Variants in B3GAT2 observed in about 807,000 individuals in gnomAD.
B3GAT2 encodes the protein beta-1,3-glucuronyltransferase 2.
A neutral mutation model predicts 27.8 loss-of-function variants in B3GAT2; 26 were observed. The observed-to-expected ratio is 0.93, with a 90% confidence interval of 0.68 to 1.30. The LOEUF (loss-of-function observed/expected upper bound fraction) is 1.30, where lower values mean the gene tolerates loss of function less well. Among genes scored for constraint, B3GAT2 ranks in the 50% most tolerant of loss-of-function variants. The pLI is 0.00. For synonymous variants in B3GAT2, 218 were observed against 195.1 expected, an observed-to-expected ratio of 1.12 and a Z score of -0.98; for missense variants, 458 against 459.0, an observed-to-expected ratio of 1.00 and a Z score of 0.02.
intron 1 of B3GAT2, among the ~76,000 whole-genome samples, chr6:70,933,401 TA>T (rs1773090831): frequency 6.6e-6 from 1 of 152,086 alleles, no homozygotes; most frequent in Non-Finnish European, 1.5e-5. Flanking sequence ...AAAATTAAAA[TA>T]AATTTTCATT....
intron 1 of B3GAT2, among the ~76,000 whole-genome samples, chr6:70,926,961 G>A (rs1772972368): frequency 6.6e-6 from 1 of 152,192 alleles, no homozygotes; most frequent in Non-Finnish European, 1.5e-5. Flanking sequence ...AAGCCCATCA[G>A]ACTAACAGCA....
At chr6:70,911,681 A>G (rs1772691096) in intron 1 of B3GAT2, among the ~76,000 whole-genome samples, 1 of 152,132 alleles carries the variant, frequency 6.6e-6, no homozygotes, top group Non-Finnish European at 1.5e-5. Flanking sequence ...ATTCTGTGAA[A>G]AATATCACTG....
chr6:70,951,039 T>G (rs1368667402), intron 1 of B3GAT2, among the ~76,000 whole-genome samples: 1 of 152,146 alleles, frequency 6.6e-6, no homozygotes, highest in Non-Finnish European at 1.5e-5. Context: ...TTATTTGTAT[T>G]TTGGTGGGAG....
intron 1 of B3GAT2, among the ~76,000 whole-genome samples, chr6:70,945,418 T>A (rs1334738502): frequency 2.0e-5 from 3 of 151,900 alleles, no homozygotes; most frequent in Non-Finnish European, 4.4e-5. Flanking sequence ...AAGAACTACA[T>A]GAAGAATGCA....
At chr6:70,927,016 G>C (rs907862725) in intron 1 of B3GAT2, among the ~76,000 whole-genome samples, 2 of 152,090 alleles carry the variant, frequency 1.3e-5, no homozygotes, top group African/African-American at 4.8e-5. Context: ...AGAGGGGGCC[G>C]ATATTCAACA....
chr6:70,934,653 T>A (rs1458722009), intron 1 of B3GAT2, among the ~76,000 whole-genome samples: 2 of 152,174 alleles, frequency 1.3e-5, no homozygotes, highest in Non-Finnish European at 2.9e-5. Context: ...CAGATCACCA[T>A]GTAATTTTTG....
At chr6:70,902,645 C>T (rs1009205876) in intron 1 of B3GAT2, among the ~76,000 whole-genome samples, 86 of 135,788 alleles carry the variant, frequency 6.3e-4, no homozygotes, top group African/African-American at 1.9e-3. Context: ...TATACACACA[C>T]ACACACACAC....
In B3GAT2 at chr6:70,858,509, A is replaced by C; in HGVS notation, c.*3154T>G. On this transcript the variant is annotated 3_prime_UTR_variant, in exon 4 of 4. Transcript: ENST00000230053. ...TGTAACTGTAACGTGAACACCACTA[A>C]TGGCCAGAAATTATCTCAGGCATCA... 4.1e-6 allele frequency: 1 copy of C among 246,574 alleles called. No individual in the cohort carries two copies. Among genetic ancestry groups the C allele is most frequent in the Non-Finnish European group, 7.7e-6 (1 of 129,068 alleles). The allele number at this position is 246,574 out of a possible 1,614,324, so 15.3% of individuals were successfully genotyped here. A position where few individuals can be genotyped will look rare whatever the true frequency, so the allele number is the denominator to read the frequency against.
chr6:70,897,595 C>T (rs546907724), intron 1 of B3GAT2, among the ~76,000 whole-genome samples: 1 of 149,578 alleles, frequency 6.7e-6, no homozygotes, highest in East Asian at 2.0e-4. Context: ...AAAAATTAGC[C>T]AGGTGTGGTG....
intron 1 of B3GAT2, among the ~76,000 whole-genome samples, chr6:70,948,790 A>C (rs948422831): frequency 2.6e-5 from 4 of 152,248 alleles, no homozygotes; most frequent in South Asian, 2.1e-4. Context: ...CCTAAGCCAA[A>C]AGAACAAAGC....
intron 1 of B3GAT2, among the ~76,000 whole-genome samples, chr6:70,906,962 A>G (rs187128928): frequency 7.2e-5 from 11 of 152,340 alleles, no homozygotes; most frequent in Non-Finnish European, 1.5e-5. Flanking sequence ...AAAATATGCA[A>G]TGCTAGGCAT....
At chr6:70,930,750 G>A (rs914319431) in intron 1 of B3GAT2, among the ~76,000 whole-genome samples, 10 of 152,192 alleles carry the variant, frequency 6.6e-5, no homozygotes, top group Admixed American at 3.9e-4. Context: ...GTGTAAACTC[G>A]TTCAACCATG....
At chr6:70,915,925 T>G (rs1772766140) in intron 1 of B3GAT2, among the ~76,000 whole-genome samples, 1 of 152,192 alleles carries the variant, frequency 6.6e-6, no homozygotes, top group Non-Finnish European at 1.5e-5. Flanking sequence ...AGTAGTTTTT[T>G]TCCAATTCTG....
intron 1 of B3GAT2, among the ~76,000 whole-genome samples, chr6:70,950,736 A>T (rs1463785124): frequency 6.6e-6 from 1 of 152,202 alleles, no homozygotes; most frequent in Non-Finnish European, 1.5e-5. Flanking sequence ...AAATATTAGC[A>T]TTAGTATTAA....
chr6:70,936,409 C>G (rs891107697), intron 1 of B3GAT2, among the ~76,000 whole-genome samples: 5 of 152,028 alleles, frequency 3.3e-5, no homozygotes, highest in Admixed American at 6.6e-5. Flanking sequence ...GGACCTAATA[C>G]ACATCTAAAG....
At chr6:70,954,857 G>A (rs1582405718) in intron 1 of B3GAT2, among the ~76,000 whole-genome samples, 1 of 136,888 alleles carries the variant, frequency 7.3e-6, no homozygotes, top group African/African-American at 2.6e-5. Flanking sequence ...CACACACACC[G>A]CAAGATACCA....
chr6:70,945,508 A>G (rs753620086), intron 1 of B3GAT2, among the ~76,000 whole-genome samples: 17 of 151,976 alleles, frequency 1.1e-4, no homozygotes, highest in Non-Finnish European at 2.1e-4. Flanking sequence ...TGAAACAAGA[A>G]GGGAAGTTTA....
rs1325558304 is a variant in B3GAT2, at chr6:70,859,466, G to GTAGTT, written c.*2192_*2196dup. Reference sequence around the variant, plus strand: ...CAGACACTTATGCCTGATTAGTGATGTAGTTTATGTTAGTGTCTTTGAAAC... The same window carrying GTAGTT: ...CAGACACTTATGCCTGATTAGTGATGTAGTTTAGTTTATGTTAGTGTCTTTGAAAC... On this transcript the variant is annotated 3_prime_UTR_variant, in exon 4 of 4. Coordinates refer to ENST00000230053, the MANE Select transcript of B3GAT2 (RefSeq NM_080742.3). The GTAGTT allele has an allele frequency of 1.7e-6, 2 of 1,191,974 alleles. No individual in the cohort carries two copies. Among genetic ancestry groups the GTAGTT allele is most frequent in the Non-Finnish European group, 2.4e-6 (2 of 839,528 alleles). The allele number at this position is 1,191,974 out of a possible 1,614,324, so 73.8% of individuals were successfully genotyped here. A position where few individuals can be genotyped will look rare whatever the true frequency, so the allele number is the denominator to read the frequency against.
intron 1 of B3GAT2, among the ~76,000 whole-genome samples, chr6:70,948,254 T>A (rs977359888): frequency 7.5e-5 from 11 of 147,350 alleles, no homozygotes; most frequent in African/African-American, 2.5e-4. Flanking sequence ...GAGAAGGAGA[T>A]AAAGGGTATT....
Sources: allele counts gnomAD v4.1 joint callset (sites outside exome capture counted in the v4.1 genomes callset), GRCh38; gene constraint gnomAD v4.1.1; transcripts MANE v1.5; gene names NCBI Gene and HGNC (gene_info 2026-07-23, HGNC 2026-07-21).